SPATA6L: variants seen among roughly 807,000 people sequenced by gnomAD.
SPATA6L encodes spermatogenesis associated 6-like protein.
SPATA6L carries 68 observed loss-of-function variants against 49.2 expected under a neutral mutation model. The ratio of observed to expected loss-of-function variants is 1.38; its 90% CI spans 1.14 to 1.69. The LOEUF is 1.69. Ranked by LOEUF, SPATA6L falls within the 40% of genes most tolerant of loss-of-function variation. SPATA6L has a pLI of 0.00. For synonymous variants in SPATA6L, 198 were observed against 165.7 expected (o/e 1.19, Z -1.50); for missense variants, 668 against 464.3 (o/e 1.44, Z -4.03).
At chr9:4,620,569 T>C (rs1829053919) in intron 7 of SPATA6L, among the ~76,000 whole-genome samples, 1 of 152,190 alleles carries the variant, frequency 6.6e-6, no homozygotes, top group Admixed American at 6.5e-5. Context: ...TAGGCCTGGA[T>C]GAATGAGCTG....
intron 9 of SPATA6L, among the ~76,000 whole-genome samples, chr9:4,612,011 AT>A (rs543488609): frequency 0.025 from 3,673 of 145,616 alleles, 98 homozygotes; most frequent in African/African-American, 0.075. Flanking sequence ...ATGCCTGGCT[AT>A]TTTTTTTTTT....
chr9:4,592,302 G>T (rs1400029774), intron 13 of SPATA6L, among the ~76,000 whole-genome samples: 1 of 131,336 alleles, frequency 7.6e-6, no homozygotes, highest in African/African-American at 2.8e-5. Context: ...GTGACAGAGG[G>T]AGACTCCATC....
chr9:4,600,467 G>GAGAGACAGAGAGAGCC lies in SPATA6L; in HGVS notation c.*328_*343dup, dbSNP rs2130011726. ...GCTCATATATAATTAATTTGAGAGA[G>GAGAGACAGAGAGAGCC]AGAGACAGAGAGAGCCAGAGAGAGC... On this transcript the variant is annotated 3_prime_UTR_variant, in exon 12 of 12. Transcript: ENST00000682582. The GAGAGACAGAGAGAGCC allele has an allele frequency of 8.5e-6, 1 of 117,622 alleles. No individual in the cohort carries two copies. The highest frequency in any genetic ancestry group is 3.3e-5 in the African/African-American group (1 of 29,972). The allele number at this position is 117,622 out of a possible 1,614,324, so 7.3% of individuals were successfully genotyped here. A position where few individuals can be genotyped will look rare whatever the true frequency, so the allele number is the denominator to read the frequency against.
intron 5 of SPATA6L, chr9:4,628,494 T>G (rs1830776651): frequency 6.6e-6 from 1 of 152,248 alleles, no homozygotes; most frequent in Non-Finnish European, 1.5e-5. Context: ...TCACCCAGGC[T>G]GGAGTGCAGT....
rs1830900730 is a variant in SPATA6L, at chr9:4,629,036, A to G, written c.429+55T>C. The G allele has an allele frequency of 2.2e-6, 3 of 1,346,328 alleles. No individual in the cohort carries two copies. In the East Asian group the frequency reaches 7.0e-5, roughly 31 times the overall value. 83.4% of individuals were successfully genotyped at this position (1,346,328 alleles called of 1,614,324 possible). On this transcript the variant is annotated intron_variant, in intron 5 of 11. Coordinates refer to ENST00000682582, the MANE Select transcript of SPATA6L (RefSeq NM_001353486.2). ...ACTGAGTTTGGGCAAAAATTCTTTA[A>G]ATTTGAAAAAAAAAAATCCGGTCAT...
At chr9:4,597,379 T>TG (rs201429516), downstream of SPATA6L, among the ~76,000 whole-genome samples, 36 of 140,368 alleles carry the variant, frequency 2.6e-4, 1 homozygote, top group Non-Finnish European at 1.8e-4. Flanking sequence ...CGGTGGGGCG[T>TG]GGGGGGTGAG....
At chr9:4,638,203 A>AATT (rs376286945) in intron 3 of SPATA6L, among the ~76,000 whole-genome samples, 638 of 121,182 alleles carry the variant, frequency 5.3e-3, no homozygotes, top group Non-Finnish European at 6.2e-3. Flanking sequence ...AGATGGGTGT[A>AATT]ATTATTATTA....
At chr9:4,604,566 G>C (rs149663661) in intron 10 of SPATA6L, among the ~76,000 whole-genome samples, 304 of 152,254 alleles carry the variant, frequency 2.0e-3, no homozygotes, top group African/African-American at 6.7e-3. Context: ...ATTTTAAAGA[G>C]ATTCCTTGCC....
chr9:4,625,347 G>A lies in SPATA6L; in HGVS notation c.649C>T (p.Pro217Ser). The A allele has an allele frequency of 1.2e-6, 2 of 1,613,448 alleles. No homozygotes were observed. The highest frequency in any genetic ancestry group is 3.3e-4 in the Middle Eastern group (2 of 6,058). Residue 217 changes from proline (P) to serine (S), a missense_variant, in exon 6 of 12, where the codon CCT (proline) becomes TCT (serine). Coordinates refer to ENST00000682582, the MANE Select transcript of SPATA6L (RefSeq NM_001353486.2). Reference protein sequence around the residue: ...NNFKISGGSKPPFVVRHVDSA... With the variant: ...NNFKISGGSKSPFVVRHVDSA... ...CTCACGTGTCTAACAACAAATGGAGGCTTGCTTCCTCCAGAGATTTTGAAA... is the reference window on the plus strand; with the variant it reads ...CTCACGTGTCTAACAACAAATGGAGACTTGCTTCCTCCAGAGATTTTGAAA...
At chr9:4,626,485 T>C (rs1228304298) in intron 5 of SPATA6L, 3 of 1,304,248 alleles carry the variant, frequency 2.3e-6, no homozygotes, top group Non-Finnish European at 3.0e-6. Flanking sequence ...CTGGGTCCCA[T>C]TTCTGTTCAG....
At chr9:4,597,939 A>G (rs1822427145), downstream of SPATA6L, among the ~76,000 whole-genome samples, 1 of 152,214 alleles carries the variant, frequency 6.6e-6, no homozygotes, top group Non-Finnish European at 1.5e-5. Flanking sequence ...GGCTATACTG[A>G]GAGTAGCCTG....
At position 4,662,760 on chromosome 9, in the gene SPATA6L, A is replaced by C. The variant is rs1194357674; in HGVS notation, c.40-724T>G. 1 of 1,604,334 alleles carries C rather than the reference A, an allele frequency of 6.2e-7. No homozygotes were observed. The highest frequency in any genetic ancestry group is 1.3e-5 in the African/African-American group (1 of 74,914). Reference sequence around the variant, plus strand: ...CGCGGGAGAGAGCTCGTCGTGGGGCAGCGTGCGACCCCTTATGAAGCTGCT... The same window carrying C: ...CGCGGGAGAGAGCTCGTCGTGGGGCCGCGTGCGACCCCTTATGAAGCTGCT... On this transcript the variant is annotated intron_variant, in intron 1 of 11. Transcript: ENST00000682582. The surrounding 1 kb of genome is among the most constrained non-coding windows in gnomAD (Gnocchi z 4.9).
In SPATA6L at chr9:4,600,351, C is replaced by T. The variant is rs1042303371; in HGVS notation, c.*460G>A. On this transcript the variant is annotated 3_prime_UTR_variant, in exon 12 of 12. Coordinates refer to ENST00000682582, the MANE Select transcript of SPATA6L (RefSeq NM_001353486.2). ...ACACTAAGAAATAAACAAACAACAA[C>T]AAAAACGGATCTACCGAAAAGAGAA... Among the ~76,000 whole-genome samples the T allele has an allele frequency of 6.6e-6, 1 of 152,102 alleles. No individual in the cohort carries two copies. The highest frequency in any genetic ancestry group is 1.5e-5 in the Non-Finnish European group (1 of 68,012).
rs148186562 is a variant in SPATA6L, at chr9:4,639,720, G to A, written c.227-4321C>T. Among the ~76,000 whole-genome samples the A allele has an allele frequency of 2.5e-4, 38 of 152,304 alleles. No individual in the cohort carries two copies. The East Asian group carries it at 6.7e-3, about 27-fold the overall frequency. On this transcript the variant is annotated intron_variant, in intron 3 of 11. Transcript: ENST00000682582. ...TACACAGACAGTGACATCATCAATG[G>A]CATCAACGAACTTCTCCCCCAAAAA...
In SPATA6L at chr9:4,666,401, G is replaced by C; in HGVS notation, c.-151C>G. 1.3e-6 allele frequency: 1 copy of C among 775,720 alleles called. No individual in the cohort carries two copies. The allele number at this position is 775,720 out of a possible 1,614,324, so 48.1% of individuals were successfully genotyped here. Reference sequence around the variant, plus strand: ...CCTTGTTCCCCTACCGTCCCCCCCAGCCCAGGTCCCTCCCACCGGGACGGG... The same window carrying C: ...CCTTGTTCCCCTACCGTCCCCCCCACCCCAGGTCCCTCCCACCGGGACGGG... On this transcript the variant is annotated 5_prime_UTR_variant, in exon 1 of 12. Transcript: ENST00000682582.
chr9:4,651,308 C>G (rs1006747237), intron 3 of SPATA6L, among the ~76,000 whole-genome samples: 1 of 152,058 alleles, frequency 6.6e-6, no homozygotes, highest in Admixed American at 6.6e-5. Flanking sequence ...AACACTGACT[C>G]AAGAAGAAAC....
At chr9:4,615,445 T>C (rs977016960) in intron 9 of SPATA6L, among the ~76,000 whole-genome samples, 1 of 152,192 alleles carries the variant, frequency 6.6e-6, no homozygotes, top group African/African-American at 2.4e-5. Context: ...TCCCAGTTGA[T>C]TTTGACTCAG....
downstream of SPATA6L, among the ~76,000 whole-genome samples, chr9:4,597,581 T>C (rs531859145): frequency 2.6e-5 from 4 of 152,304 alleles, no homozygotes; most frequent in Admixed American, 1.3e-4. Context: ...AAATTAAGCA[T>C]AGGTTCTTTC....
chr9:4,656,037 C>G lies in SPATA6L; in HGVS notation c.226+4G>C. 1 of 1,610,526 alleles carries G rather than the reference C, an allele frequency of 6.2e-7. No homozygotes were observed. Among genetic ancestry groups the G allele is most frequent in the Non-Finnish European group, 8.5e-7 (1 of 1,178,030 alleles). On this transcript the variant is annotated splice_donor_region_variant and intron_variant, in intron 3 of 11. Transcript: ENST00000682582. ...TTTTTTGTTTTGTTTTTCAGAGTAC[C>G]TACTTTCCAAAAGGTCTACTACAGC...
Sources: gnomAD v4.1 joint callset for allele counts (sites outside exome capture counted in the v4.1 genomes callset) on GRCh38, gnomAD v4.1.1 for gene constraint, Gnocchi (gnomAD v3.1) non-coding constraint, MANE v1.5 for transcripts, NCBI Gene and HGNC (gene_info 2026-07-23, HGNC 2026-07-21) for gene names.